Variants in PLSCR5 observed in about 807,000 individuals in gnomAD.
PLSCR5 encodes phospholipid scramblase family member 5, also known as phospholipid scramblase family, member 5.
In PLSCR5, 44 loss-of-function variants were observed where a neutral mutation model predicts 33.6. That is an observed-to-expected ratio of 1.31 (90% confidence interval 1.03 to 1.69). PLSCR5 has a LOEUF of 1.69. Ranked by LOEUF, PLSCR5 falls within the 40% of genes most tolerant of loss-of-function variation. The pLI is 0.00. For synonymous variants in PLSCR5, 148 were observed against 112.3 expected, an observed-to-expected ratio of 1.32 and a Z score of -2.01; for missense variants, 375 against 318.7, an observed-to-expected ratio of 1.18 and a Z score of -1.34.
chr3:146,599,514 CTTTTT>C (rs200837530), intron 2 of PLSCR5, among the ~76,000 whole-genome samples: 1 of 141,896 alleles, frequency 7.0e-6, no homozygotes, highest in Non-Finnish European at 1.5e-5. Flanking sequence ...TTTGCATTAA[CTTTTT>C]TTTTTTTTTT....
At chr3:146,597,978 A>G (rs2044775877) in intron 2 of PLSCR5, among the ~76,000 whole-genome samples, 1 of 152,118 alleles carries the variant, frequency 6.6e-6, no homozygotes, top group Non-Finnish European at 1.5e-5. Context: ...TATACAGTAA[A>G]ATGTTATTGA....
chr3:146,595,152 T>G (rs561614553), intron 2 of PLSCR5, 69 bp from the exon 3 acceptor site: 54 of 885,802 alleles, frequency 6.1e-5, no homozygotes, highest in Non-Finnish European at 7.8e-5. Context: ...GAGATACTAC[T>G]AGTACCCTAT....
chr3:146,589,832 G>T lies in PLSCR5; in HGVS notation c.616-18C>A. ...GTTTTCACCTTTAGAAAGAAAATAA[G>T]GAGTATTAAATTTGACAGTGAAAAA... On this transcript the variant is annotated intron_variant, in intron 5 of 7. Transcript: ENST00000443512. The T allele has an allele frequency of 3.4e-6, 5 of 1,474,268 alleles. No homozygotes were observed. Among genetic ancestry groups the T allele is most frequent in the South Asian group, 1.3e-5 (1 of 76,146 alleles). 91.3% of individuals were successfully genotyped at this position (1,474,268 alleles called of 1,614,324 possible). A position where few individuals can be genotyped will look rare whatever the true frequency, so the allele number is the denominator to read the frequency against.
chr3:146,582,106 G>T (rs2044636210), downstream of PLSCR5, among the ~76,000 whole-genome samples: 1 of 152,202 alleles, frequency 6.6e-6, no homozygotes, highest in Non-Finnish European at 1.5e-5. Flanking sequence ...GTCAGTAAAT[G>T]GCATAGGCCA....
At position 146,589,870 on chromosome 3, in the gene PLSCR5, A is replaced by G. The variant is rs566022259; in HGVS notation, c.616-56T>C. On this transcript the variant is annotated intron_variant, in intron 5 of 7. Coordinates refer to ENST00000443512, the MANE Select transcript of PLSCR5 (RefSeq NM_001085420.2). ...TGACAGTGAAAAAAGTTGGTTTTAT[A>G]CTTCTGAGGGTGTTTACTTCATGAG... The G allele has an allele frequency of 3.0e-5, 36 of 1,205,272 alleles. 1 individual carries two copies. The South Asian group carries it at 5.2e-4, about 18-fold the overall frequency. The allele number at this position is 1,205,272 out of a possible 1,614,324, so 74.7% of individuals were successfully genotyped here. A position where few individuals can be genotyped will look rare whatever the true frequency, so the allele number is the denominator to read the frequency against.
intron 7 of PLSCR5, 43 bp downstream of exon 7, chr3:146,585,987 T>C: frequency 7.6e-7 from 1 of 1,314,040 alleles, no homozygotes. Flanking sequence ...AATATAGACA[T>C]CTTCAAAGGG....
intron 2 of PLSCR5, among the ~76,000 whole-genome samples, chr3:146,598,769 C>T (rs183269780): frequency 2.0e-5 from 3 of 152,196 alleles, no homozygotes; most frequent in Admixed American, 2.0e-4. Flanking sequence ...GCTATTACAG[C>T]TGATCCTTTC....
downstream of PLSCR5, among the ~76,000 whole-genome samples, chr3:146,583,469 G>A (rs1298171485): frequency 6.6e-6 from 1 of 152,134 alleles, no homozygotes; most frequent in African/African-American, 2.4e-5. Context: ...AAACACTGTT[G>A]TACAAGTATC....
At chr3:146,592,761 A>T (rs1011023345) in intron 4 of PLSCR5, among the ~76,000 whole-genome samples, 5 of 152,130 alleles carry the variant, frequency 3.3e-5, no homozygotes, top group Non-Finnish European at 7.4e-5. Flanking sequence ...TTTTTTTAAA[A>T]GTTACTAATA....
chr3:146,580,454 CTTTTTTTTTTTTTTTT>C (rs1170556618), intron 7 of PLSCR5, among the ~76,000 whole-genome samples: 3 of 60,570 alleles, frequency 5.0e-5, no homozygotes, highest in Non-Finnish European at 9.0e-5. Flanking sequence ...TTTGAATTTG[CTTTTTTTTTTTTTTTT>C]TTTTTTTTTT....
chr3:146,603,858 A>G (rs762910496), intron 1 of PLSCR5, among the ~76,000 whole-genome samples: 2 of 152,116 alleles, frequency 1.3e-5, no homozygotes, highest in Non-Finnish European at 2.9e-5. Context: ...GTCTTCAGAT[A>G]GAAAAAAATG....
downstream of PLSCR5, among the ~76,000 whole-genome samples, chr3:146,585,384 G>A (rs2044659159): frequency 2.0e-5 from 3 of 151,984 alleles, no homozygotes; most frequent in South Asian, 2.1e-4. Context: ...GCATGAGTAG[G>A]TATTTAAAGC....
At chr3:146,602,805 G>A (rs2044830278) in intron 1 of PLSCR5, among the ~76,000 whole-genome samples, 1 of 151,984 alleles carries the variant, frequency 6.6e-6, no homozygotes, top group Non-Finnish European at 1.5e-5. Context: ...GTACATTCCC[G>A]CCCAGTCCTG....
intron 6 of PLSCR5, among the ~76,000 whole-genome samples, chr3:146,587,569 A>T (rs1329608104): frequency 6.6e-6 from 1 of 152,010 alleles, no homozygotes; most frequent in Non-Finnish European, 1.5e-5. Flanking sequence ...TGAAGTCAGA[A>T]TGATCAAAGA....
At chr3:146,588,435 C>T (rs1254648920) in intron 6 of PLSCR5, among the ~76,000 whole-genome samples, 5 of 152,106 alleles carry the variant, frequency 3.3e-5, no homozygotes, top group East Asian at 3.9e-4. Flanking sequence ...TGCGCCACTG[C>T]ACTCCAGCCT....
At chr3:146,586,469 T>G (rs1053568528) in intron 6 of PLSCR5, among the ~76,000 whole-genome samples, 1 of 152,206 alleles carries the variant, frequency 6.6e-6, no homozygotes, top group African/African-American at 2.4e-5. Flanking sequence ...AAACTTTATC[T>G]AAATCTGCAT....
intron 6 of PLSCR5, among the ~76,000 whole-genome samples, chr3:146,586,639 C>T (rs148673579): frequency 6.6e-6 from 1 of 152,016 alleles, no homozygotes; most frequent in African/African-American, 2.4e-5. Context: ...TGAGGGAGTA[C>T]TGAAAACTAC....
chr3:146,600,196 A>G (rs2044799442), intron 2 of PLSCR5, 92 bp downstream of exon 2: 16 of 1,024,950 alleles, frequency 1.6e-5, no homozygotes, highest in Non-Finnish European at 1.9e-5. Context: ...TTATTGGTTA[A>G]ATTCTTTCAA....
chr3:146,592,878 C>T (rs2044727276), intron 4 of PLSCR5, among the ~76,000 whole-genome samples: 1 of 152,080 alleles, frequency 6.6e-6, no homozygotes, highest in Admixed American at 6.6e-5. Context: ...ATCATAATGA[C>T]TACACTCTCT....
Sources: gnomAD v4.1 joint callset for allele counts (sites outside exome capture counted in the v4.1 genomes callset) on GRCh38, gnomAD v4.1.1 for gene constraint, MANE v1.5 for transcripts, NCBI Gene and HGNC (gene_info 2026-07-23, HGNC 2026-07-21) for gene names.